Variants in RNF150 observed in about 807,000 individuals in gnomAD.
The protein encoded by RNF150 is ring finger protein 150.
Under a neutral mutation model 39.3 loss-of-function variants are expected in RNF150, and 24 were observed. The observed-to-expected ratio is 0.61, with a 90% confidence interval of 0.44 to 0.86. The LOEUF (loss-of-function observed/expected upper bound fraction) is 0.86, where lower values mean the gene tolerates loss of function less well. Ranked by LOEUF, RNF150 falls within the 40% of genes least tolerant of loss-of-function variation. The pLI, the probability that RNF150 is intolerant of heterozygous loss-of-function variation, is 0.00. For synonymous variants in RNF150, 255 were observed against 227.3 expected (o/e 1.12, Z -1.10); for missense variants, 502 against 587.8 (o/e 0.85, Z 1.51).
At chr4:141,175,399 C>G (rs1278562875) in intron 1 of RNF150, among the ~76,000 whole-genome samples, 1 of 152,114 alleles carries the variant, frequency 6.6e-6, no homozygotes. Context: ...ATCAAGAAAA[C>G]ACATTTAAAA....
intron 1 of RNF150, among the ~76,000 whole-genome samples, chr4:141,201,629 A>AT (rs1728294534): frequency 1.3e-5 from 1 of 77,150 alleles, no homozygotes; most frequent in Non-Finnish European, 2.6e-5. Context: ...TAGTCTTGCA[A>AT]TTTTCTTCTT....
chr4:141,079,843 G>A (rs961083004), intron 1 of RNF150, among the ~76,000 whole-genome samples: 10 of 152,200 alleles, frequency 6.6e-5, no homozygotes, highest in African/African-American at 2.4e-4. Flanking sequence ...GAGCCAGAAC[G>A]TCTGTGGGAC....
At chr4:140,938,924 T>C (rs796825959) in intron 4 of RNF150, among the ~76,000 whole-genome samples, 12 of 152,344 alleles carry the variant, frequency 7.9e-5, no homozygotes, top group African/African-American at 2.9e-4. Context: ...AGCAGCTGTC[T>C]GTCTGGTTAG....
intron 6 of RNF150, among the ~76,000 whole-genome samples, chr4:140,904,701 A>G (rs147526571): frequency 1.3e-5 from 2 of 152,230 alleles, no homozygotes; most frequent in African/African-American, 2.4e-5. Flanking sequence ...TCTGAAGTTT[A>G]TGCCAACCCT....
At chr4:141,098,684 TA>T (rs1738894491) in intron 1 of RNF150, among the ~76,000 whole-genome samples, 1 of 152,202 alleles carries the variant, frequency 6.6e-6, no homozygotes, top group South Asian at 2.1e-4. Context: ...GTCCCAATAA[TA>T]AAAACAACAA....
At chr4:141,021,450 A>C (rs1735489185) in intron 1 of RNF150, among the ~76,000 whole-genome samples, 1 of 152,198 alleles carries the variant, frequency 6.6e-6, no homozygotes, top group African/African-American at 2.4e-5. Context: ...TCTGCTCACA[A>C]ACACTTACTG....
At chr4:140,878,835 C>T (rs1366851431) in intron 6 of RNF150, among the ~76,000 whole-genome samples, 1 of 152,168 alleles carries the variant, frequency 6.6e-6, no homozygotes, top group Admixed American at 6.5e-5. Flanking sequence ...AAATACAATG[C>T]CATGAAGCTT....
chr4:141,040,250 G>A (rs1391968601), intron 1 of RNF150, among the ~76,000 whole-genome samples: 1 of 152,038 alleles, frequency 6.6e-6, no homozygotes. Context: ...CCCAGAAGAT[G>A]AAGAAATAAG....
intron 6 of RNF150, among the ~76,000 whole-genome samples, chr4:140,883,037 T>C (rs1225977330): frequency 6.6e-6 from 1 of 152,154 alleles, no homozygotes; most frequent in Non-Finnish European, 1.5e-5. Flanking sequence ...CTTTGATTTG[T>C]TTCTCATTTA....
chr4:141,071,571 G>T (rs527814319), intron 1 of RNF150, among the ~76,000 whole-genome samples: 3 of 152,114 alleles, frequency 2.0e-5, no homozygotes, highest in South Asian at 2.1e-4. Flanking sequence ...AAACATTTTG[G>T]CCTGGAGTGT....
chr4:140,924,140 A>G (rs1731286108), intron 5 of RNF150, among the ~76,000 whole-genome samples: 1 of 152,162 alleles, frequency 6.6e-6, no homozygotes, highest in Admixed American at 6.5e-5. Context: ...AATCTTTACC[A>G]AATCCAAAAG....
At chr4:141,023,142 C>T (rs11941425) in intron 1 of RNF150, among the ~76,000 whole-genome samples, 2 of 152,084 alleles carry the variant, frequency 1.3e-5, no homozygotes, top group African/African-American at 2.4e-5. Flanking sequence ...CTACAATGCA[C>T]TCTAGCACTG....
At chr4:141,060,193 C>T (rs1737159001) in intron 1 of RNF150, among the ~76,000 whole-genome samples, 1 of 152,218 alleles carries the variant, frequency 6.6e-6, no homozygotes, top group South Asian at 2.1e-4. Context: ...GTAATCCTAG[C>T]ACTCTGGGAG....
chr4:140,918,085 A>G (rs1035417211), intron 5 of RNF150, among the ~76,000 whole-genome samples: 1 of 152,174 alleles, frequency 6.6e-6, no homozygotes, highest in African/African-American at 2.4e-5. Context: ...CACAAGAGAA[A>G]GCAGGCAAGA....
At chr4:140,957,981 C>T (rs1021470558) in intron 2 of RNF150, among the ~76,000 whole-genome samples, 3 of 151,798 alleles carry the variant, frequency 2.0e-5, no homozygotes, top group Non-Finnish European at 2.9e-5. Context: ...CAGCATGGCA[C>T]ATGTATACAT....
chr4:141,178,315 G>A (rs769919990), intron 1 of RNF150, among the ~76,000 whole-genome samples: 6 of 151,984 alleles, frequency 3.9e-5, no homozygotes, highest in Non-Finnish European at 7.4e-5. Context: ...AGAATTTCTC[G>A]AATTCTCTTG....
upstream of RNF150, among the ~76,000 whole-genome samples, chr4:141,134,572 A>G (rs192999565): frequency 5.9e-5 from 9 of 152,306 alleles, no homozygotes; most frequent in East Asian, 1.5e-3. Context: ...AGCAGTACAA[A>G]CAGCTGATGG....
chr4:140,921,141 C>T (rs13104032), intron 5 of RNF150, among the ~76,000 whole-genome samples: 82,031 of 149,204 alleles, frequency 0.55, 23,112 homozygotes, highest in East Asian at 0.89. Flanking sequence ...GTAACTAACC[C>T]GCACATTGTG....
In RNF150 at chr4:140,864,272, A is replaced by G. The variant is rs1459188247; in HGVS notation, c.*3989T>C. ...TACCTCTCCCTGTGTAGATGACCAG[A>G]GTTGACACTGCAGGGGATATCTAAC... On this transcript the variant is annotated 3_prime_UTR_variant, in exon 7 of 7. Coordinates refer to ENST00000515673, the MANE Select transcript of RNF150 (RefSeq NM_020724.2). 1 of 149,834 alleles carries G rather than the reference A, an allele frequency of 6.7e-6. No homozygotes were observed. The highest frequency in any genetic ancestry group is 1.5e-5 in the Non-Finnish European group (1 of 67,186). The allele number at this position is 149,834 out of a possible 1,614,324, so 9.3% of individuals were successfully genotyped here.
Sources: gnomAD v4.1 joint callset for allele counts (sites outside exome capture counted in the v4.1 genomes callset) on GRCh38, gnomAD v4.1.1 for gene constraint, MANE v1.5 for transcripts, NCBI Gene and HGNC (gene_info 2026-07-23, HGNC 2026-07-21) for gene names.